The following MAN2B2 variants were observed in gnomAD, a reference collection of about 807,000 sequenced individuals.
MAN2B2 encodes the protein mannosidase alpha class 2B member 2.
A neutral mutation model predicts 117.1 loss-of-function variants in MAN2B2; 106 were observed. The observed-to-expected ratio is 0.90, with a 90% CI of 0.77 to 1.06. The LOEUF is 1.06. Ranked by LOEUF, MAN2B2 falls within the 50% of genes least tolerant of loss-of-function variation. The pLI, the probability that MAN2B2 is intolerant of heterozygous loss-of-function variation, is 0.00. For synonymous variants in MAN2B2, 544 were observed against 595.1 expected (o/e 0.91, Z 1.25); for missense variants, 1,326 against 1,381.4 (o/e 0.96, Z 0.64).
intron 12 of MAN2B2, 180 bp downstream of exon 12, chr4:6,609,478 T>C: frequency 1.5e-6 from 1 of 677,112 alleles, no homozygotes; most frequent in Non-Finnish European, 2.5e-6. Context: ...TTGCGTGTGC[T>C]GTGTCACGTT....
chr4:6,620,025 G>T lies in MAN2B2; in HGVS notation c.2913G>T (p.Thr971=), dbSNP rs752025530. The T allele has an allele frequency of 1.2e-6, 2 of 1,612,532 alleles. No homozygotes were observed. The highest frequency in any genetic ancestry group is 1.1e-5 in the South Asian group (1 of 90,948). Residue 971 remains threonine, a synonymous_variant, in exon 18 of 19, where the codon ACG becomes ACT. Coordinates refer to ENST00000285599, the MANE Select transcript of MAN2B2 (RefSeq NM_015274.3). ...TGCTGCACCGCTGGAGCTGGAGGACGGGGCCTGGCCGCCACAGAGGTTTGG... is the reference window on the plus strand; with the variant it reads ...TGCTGCACCGCTGGAGCTGGAGGACTGGGCCTGGCCGCCACAGAGGTTTGG... The part of the protein sequence containing the change: ...LSMLHRWSWR[T]GPGRHRGDTT...
At chr4:6,585,519 T>A (rs1726597043) in intron 3 of MAN2B2, among the ~76,000 whole-genome samples, 1 of 152,248 alleles carries the variant, frequency 6.6e-6, no homozygotes, top group South Asian at 2.1e-4. Context: ...CTATGGTGAC[T>A]CTTAAGTAAT....
chr4:6,590,429 G>C (rs966834888), intron 5 of MAN2B2, among the ~76,000 whole-genome samples: 1 of 152,104 alleles, frequency 6.6e-6, no homozygotes, highest in Non-Finnish European at 1.5e-5. Flanking sequence ...TTACATCAGT[G>C]TTCCCAAGAA....
chr4:6,602,235 G>A (rs117517054), intron 10 of MAN2B2, among the ~76,000 whole-genome samples: 4 of 152,316 alleles, frequency 2.6e-5, no homozygotes, highest in East Asian at 1.9e-4. Flanking sequence ...CTCATCTGTC[G>A]CAGCCTGCTT....
At chr4:6,602,734 A>G (rs1452291834) in intron 10 of MAN2B2, among the ~76,000 whole-genome samples, 1 of 151,786 alleles carries the variant, frequency 6.6e-6, no homozygotes, top group East Asian at 1.9e-4. Flanking sequence ...CAGTGGCACA[A>G]TCACAGCTCA....
chr4:6,593,173 G>T lies in MAN2B2; in HGVS notation c.681G>T (p.Arg227Ser). ...CTPSHIPFSN[R>S]SGFYWNGVAV... Reference sequence around the variant, plus strand: ...GCCCTAACCTTCTGCCCTCGCACAGGTCAGGATTTTACTGGAATGGCGTGG... The same window carrying T: ...GCCCTAACCTTCTGCCCTCGCACAGTTCAGGATTTTACTGGAATGGCGTGG... Residue 227 changes from arginine (R) to serine (S), a missense_variant and splice_region_variant, in exon 6 of 19, where the codon AGG becomes AGT. Arg to Ser is a moderately radical substitution (Grantham distance 110). Transcript: ENST00000285599. The T allele has an allele frequency of 6.2e-7, 1 of 1,613,782 alleles. No homozygotes were observed. Among genetic ancestry groups the T allele is most frequent in the Non-Finnish European group, 8.5e-7 (1 of 1,179,842 alleles).
At chr4:6,592,738 C>A (rs1256314826) in intron 5 of MAN2B2, among the ~76,000 whole-genome samples, 1 of 152,174 alleles carries the variant, frequency 6.6e-6, no homozygotes, top group East Asian at 1.9e-4. Context: ...CTCCACACCC[C>A]CAGCCTAAGG....
chr4:6,594,477 C>G (rs1206867421), intron 6 of MAN2B2, 57 bp from the exon 7 acceptor site: 1 of 1,566,934 alleles, frequency 6.4e-7, no homozygotes, highest in South Asian at 1.1e-5. Context: ...CGGCCCACCC[C>G]CACTGGGCGA....
At chr4:6,594,385 C>G in intron 6 of MAN2B2, 149 bp from the exon 7 acceptor site, 1 of 685,590 alleles carries the variant, frequency 1.5e-6, no homozygotes, top group South Asian at 1.7e-5. Flanking sequence ...GAGCCGAGAT[C>G]AAGCCACTGC....
chr4:6,611,352 G>A (rs1190056767), intron 15 of MAN2B2, 74 bp downstream of exon 15: 1 of 1,455,476 alleles, frequency 6.9e-7, no homozygotes, highest in East Asian at 2.3e-5. Flanking sequence ...CCTTGGGAGG[G>A]GCCTGTGCCC....
At chr4:6,619,792 T>C in intron 17 of MAN2B2, 135 bp from the exon 18 acceptor site, 1 of 704,708 alleles carries the variant, frequency 1.4e-6, no homozygotes, top group Non-Finnish European at 2.5e-6. Context: ...GAGGGAGCTG[T>C]GTCAGGCACC....
rs117701425 is a variant in MAN2B2 at position 6,578,816 on chromosome 4, C to T, written c.391+318C>T. 1.4e-4 allele frequency among the ~76,000 whole-genome samples: 21 copies of T among 152,120 alleles called. No individual in the cohort carries two copies. In the East Asian group the frequency reaches 3.7e-3, roughly 27 times the overall value. On this transcript the variant is annotated intron_variant, in intron 3 of 18. Coordinates refer to ENST00000285599, the MANE Select transcript of MAN2B2 (RefSeq NM_015274.3). ...AAATGAGTTTGATGGTAATACCTAC[C>T]TCAAAGGGTTGTTGTGAGTATTAAA...
chr4:6,608,477 C>A (rs1477908960), intron 11 of MAN2B2, among the ~76,000 whole-genome samples: 1 of 152,200 alleles, frequency 6.6e-6, no homozygotes, highest in Non-Finnish European at 1.5e-5. Flanking sequence ...TACTTGACCC[C>A]CTCCTGCTCT....
chr4:6,579,274 C>CCAT (rs1726289605), intron 3 of MAN2B2, among the ~76,000 whole-genome samples: 1 of 105,530 alleles, frequency 9.5e-6, no homozygotes, highest in Non-Finnish European at 2.1e-5. Flanking sequence ...ACCACCATCA[C>CCAT]CACCACCATC....
intron 5 of MAN2B2, among the ~76,000 whole-genome samples, chr4:6,592,512 G>A (rs1726896768): frequency 6.6e-6 from 1 of 152,228 alleles, no homozygotes; most frequent in East Asian, 1.9e-4. Flanking sequence ...GGGAGGCTGA[G>A]GCGATGGCTT....
intron 15 of MAN2B2, among the ~76,000 whole-genome samples, chr4:6,612,182 C>G (rs1711601974): frequency 1.3e-5 from 2 of 152,228 alleles, no homozygotes; most frequent in African/African-American, 4.8e-5. Flanking sequence ...CTCACCCATG[C>G]AACAAGCATA....
rs145871153 is a variant in MAN2B2, at chr4:6,609,117, C to T, written c.1825C>T (p.Arg609Ter). ...CTCCTGCCTCTGCAGACAGAGTAAC[C>T]GAACGGTGCGCGTGACCCAGGAATT... The part of the protein sequence containing the change: ...MHSIWERQSN[R>*]TVRVTQEFLE... The change falls in exon 12 of 19, where the codon CGA becomes TGA. Residue 609 changes from arginine (R) to a stop codon, truncating the protein, a stop_gained. Coordinates refer to ENST00000285599, the MANE Select transcript of MAN2B2 (RefSeq NM_015274.3). LOFTEE classifies it high-confidence loss of function. The T allele has an allele frequency of 2.1e-5, 34 of 1,613,448 alleles. No individual in the cohort carries two copies. Among genetic ancestry groups the T allele is most frequent in the African/African-American group, 2.7e-5 (2 of 74,924 alleles).
At chr4:6,595,568 G>A (rs528057966) in intron 7 of MAN2B2, among the ~76,000 whole-genome samples, 9 of 152,296 alleles carry the variant, frequency 5.9e-5, no homozygotes, top group African/African-American at 1.4e-4. Flanking sequence ...AAGAACAGCC[G>A]GACAAGGGGG....
chr4:6,604,083 A>T (rs568076566), intron 10 of MAN2B2, among the ~76,000 whole-genome samples: 1 of 152,268 alleles, frequency 6.6e-6, no homozygotes, highest in East Asian at 1.9e-4. Flanking sequence ...AGGAGAAGGT[A>T]GTCCAGGTGG....
Sources: gnomAD v4.1 joint callset for allele counts (sites outside exome capture counted in the v4.1 genomes callset) on GRCh38, gnomAD v4.1.1 for gene constraint, MANE v1.5 for transcripts, NCBI Gene and HGNC (gene_info 2026-07-23, HGNC 2026-07-21) for gene names.